RARS2: variants seen among roughly 807,000 people sequenced by gnomAD.
RARS2 encodes probable arginine--tRNA ligase, mitochondrial.
RARS2 carries 67 observed loss-of-function variants against 88.5 expected under a neutral mutation model. The ratio of observed to expected loss-of-function variants is 0.76; its 90% CI spans 0.62 to 0.93. The LOEUF is 0.93. Among genes scored for constraint, RARS2 ranks in the 40% least tolerant of loss-of-function variants. The pLI, the probability that RARS2 is intolerant of heterozygous loss-of-function variation, is 0.00. For missense variants in RARS2, 664 were observed against 684.2 expected (o/e 0.97, Z 0.33); for synonymous variants, 239 against 230.3 (o/e 1.04, Z -0.34).
chr6:87,518,096 C>T (rs916081736), intron 17 of RARS2, 73 bp downstream of exon 17: 19 of 1,612,974 alleles, frequency 1.2e-5, no homozygotes, highest in Non-Finnish European at 1.6e-5. Flanking sequence ...GTTGACTCTA[C>T]TGGGCAGCAA....
chr6:87,548,690 A>T (rs1345383574), intron 5 of RARS2, 44 bp from the exon 6 acceptor site: 1 of 1,566,008 alleles, frequency 6.4e-7, no homozygotes. Flanking sequence ...AAGACTTAAG[A>T]CTTCTAAGAA....
At chr6:87,577,062 T>C (rs1260608118) in intron 1 of RARS2, among the ~76,000 whole-genome samples, 1 of 152,228 alleles carries the variant, frequency 6.6e-6, no homozygotes, top group Non-Finnish European at 1.5e-5. Flanking sequence ...ACAGGAAGAT[T>C]GGAAAATTTT....
At chr6:87,526,507 C>A (rs987432256) in intron 10 of RARS2, among the ~76,000 whole-genome samples, 2 of 139,192 alleles carry the variant, frequency 1.4e-5, no homozygotes, top group Non-Finnish European at 3.2e-5. Context: ...CAAAGCCAGA[C>A]CCTGTCTTAA....
At chr6:87,576,822 A>G (rs1160766520) in intron 1 of RARS2, among the ~76,000 whole-genome samples, 1 of 152,236 alleles carries the variant, frequency 6.6e-6, no homozygotes. Flanking sequence ...TGTATGCTGG[A>G]TAAGTTGCTA....
intron 6 of RARS2, among the ~76,000 whole-genome samples, chr6:87,546,975 G>A (rs1330248436): frequency 6.6e-6 from 1 of 152,116 alleles, no homozygotes; most frequent in Non-Finnish European, 1.5e-5. Context: ...CTAGACTTCT[G>A]GAATTAGACT....
chr6:87,551,244 A>G (rs1368286396), intron 5 of RARS2, among the ~76,000 whole-genome samples: 6 of 152,192 alleles, frequency 3.9e-5, no homozygotes, highest in African/African-American at 1.4e-4. Context: ...TGAAGTAGCT[A>G]TTATGAATTA....
chr6:87,584,807 C>G lies in RARS2; in HGVS notation c.36+5115G>C, dbSNP rs192870383. On this transcript the variant is annotated intron_variant, in intron 1 of 19. Transcript: ENST00000369536. ...GATGAATCCTTGTGCAGTTATCTAC[C>G]CCAAGACCCAGGGCTTCTCTATGGT... The G allele has an allele frequency of 2.2e-3, 974 of 437,458 alleles. 8 individuals carry two copies. The highest frequency in any genetic ancestry group is 0.018 in the African/African-American group (887 of 49,270). 27.1% of individuals were successfully genotyped at this position (437,458 alleles called of 1,614,324 possible).
chr6:87,587,665 T>C (rs1775576624), intron 1 of RARS2, among the ~76,000 whole-genome samples: 1 of 152,224 alleles, frequency 6.6e-6, no homozygotes, highest in East Asian at 1.9e-4. Context: ...CTCAATTATA[T>C]AATAAGGTTA....
chr6:87,517,484 T>C (rs1172804288), intron 17 of RARS2, among the ~76,000 whole-genome samples: 2 of 152,172 alleles, frequency 1.3e-5, no homozygotes, highest in Non-Finnish European at 2.9e-5. Flanking sequence ...AAATATAAAT[T>C]AGCAAAGTCT....
At chr6:87,567,515 G>C (rs1768285332) in intron 2 of RARS2, among the ~76,000 whole-genome samples, 1 of 152,148 alleles carries the variant, frequency 6.6e-6, no homozygotes, top group Admixed American at 6.5e-5. Context: ...GAGAGAATTA[G>C]ATCAGAGTAA....
intron 8 of RARS2, 150 bp from the exon 9 acceptor site, chr6:87,531,092 C>T: frequency 1.7e-6 from 2 of 1,193,728 alleles, no homozygotes; most frequent in Middle Eastern, 2.8e-4. Flanking sequence ...TTCTTTTTTG[C>T]CATGGGCCCC....
chr6:87,543,260 G>C (rs575679261), intron 7 of RARS2, among the ~76,000 whole-genome samples: 1 of 151,948 alleles, frequency 6.6e-6, no homozygotes, highest in Non-Finnish European at 1.5e-5. Context: ...CCGAGATCCC[G>C]CCATTGCATT....
chr6:87,554,305 C>T (rs542717718), intron 5 of RARS2, among the ~76,000 whole-genome samples: 1 of 152,102 alleles, frequency 6.6e-6, no homozygotes, highest in Non-Finnish European at 1.5e-5. Context: ...TTACCTCTAA[C>T]AGTCCAAATA....
intron 4 of RARS2, among the ~76,000 whole-genome samples, chr6:87,560,694 T>A (rs1582694575): frequency 1.3e-5 from 2 of 151,476 alleles, no homozygotes; most frequent in South Asian, 4.2e-4. Flanking sequence ...AGGCTGGGAG[T>A]TCAAGACCAG....
intron 10 of RARS2, 61 bp from the exon 11 acceptor site, chr6:87,524,713 A>G: frequency 4.0e-6 from 5 of 1,245,882 alleles, no homozygotes; most frequent in Admixed American, 1.7e-5. Context: ...TAAAATTTTA[A>G]TATCTAAAAC....
chr6:87,546,337 T>A (rs1782631347), intron 6 of RARS2, among the ~76,000 whole-genome samples: 4 of 152,202 alleles, frequency 2.6e-5, no homozygotes, highest in Admixed American at 2.0e-4. Context: ...CTTCTAGGTT[T>A]GGGCAATCAG....
At chr6:87,575,065 A>T (rs1219543310) in intron 1 of RARS2, among the ~76,000 whole-genome samples, 1 of 94,054 alleles carries the variant, frequency 1.1e-5, no homozygotes, top group Admixed American at 1.2e-4. Context: ...GCAACCAGTC[A>T]TAAGGATAGA....
At chr6:87,522,165 A>G (rs1774092776) in intron 11 of RARS2, among the ~76,000 whole-genome samples, 2 of 152,110 alleles carry the variant, frequency 1.3e-5, no homozygotes, top group South Asian at 4.1e-4. Context: ...CCCCGTCTCT[A>G]CTAAAAATAC....
Position 87,548,650 on chromosome 6 carries a change from C to CA in RARS2, c.396-5dup, listed in dbSNP as rs766744725. The CA allele has an allele frequency of 2.7e-5, 44 of 1,606,018 alleles. No individual in the cohort carries two copies. The highest frequency in any genetic ancestry group is 3.3e-4 in the Middle Eastern group (2 of 6,048). ...TTTTTTGGCAACATTAGGTGAACTGCAAAAAAAATGGGAAACATTTCTCTA... is the reference window on the plus strand; with the variant it reads ...TTTTTTGGCAACATTAGGTGAACTGCAAAAAAAAATGGGAAACATTTCTCTA... On this transcript the variant is annotated splice_polypyrimidine_tract_variant and splice_region_variant and intron_variant, in intron 5 of 19. Coordinates refer to ENST00000369536, the MANE Select transcript of RARS2 (RefSeq NM_020320.5).
Sources: allele counts gnomAD v4.1 joint callset (sites outside exome capture counted in the v4.1 genomes callset), GRCh38; gene constraint gnomAD v4.1.1; transcripts MANE v1.5; gene names NCBI Gene and HGNC (gene_info 2026-07-23, HGNC 2026-07-21).